The following ARHGAP32 variants were observed in gnomAD, a reference collection of about 807,000 sequenced individuals.
ARHGAP32 encodes the protein rho GTPase-activating protein 32.
In ARHGAP32, 51 loss-of-function variants were observed where a neutral mutation model predicts 186.5. The observed-to-expected ratio is 0.27, with a 90% CI of 0.22 to 0.35. The LOEUF is 0.35. Among genes scored for constraint, ARHGAP32 ranks in the 10% least tolerant of loss-of-function variants. The pLI, the probability that ARHGAP32 is intolerant of heterozygous loss-of-function variation, is 1.00. For synonymous variants in ARHGAP32, 950 were observed against 964.3 expected (o/e 0.99, Z 0.27); for missense variants, 2,186 against 2,623.5 (o/e 0.83, Z 3.64).
chr11:129,277,229 C>CGA (rs148064415), intron 1 of ARHGAP32, among the ~76,000 whole-genome samples: 2 of 151,392 alleles, frequency 1.3e-5, no homozygotes, highest in African/African-American at 4.9e-5. Context: ...TATATAGCAC[C>CGA]GAGAGAGAGA....
chr11:129,259,246 A>G (rs1945292338), intron 1 of ARHGAP32, among the ~76,000 whole-genome samples: 1 of 152,216 alleles, frequency 6.6e-6, no homozygotes, highest in Admixed American at 6.5e-5. Context: ...AAAGATTAGT[A>G]TTGAATACTC....
At position 128,971,030 on chromosome 11, in the gene ARHGAP32, C is replaced by T. The variant is rs751812619; in HGVS notation, c.4183G>A (p.Gly1395Ser). The change falls in exon 23 of 23, where the codon GGC (glycine) becomes AGC (serine). Residue 1395 changes from glycine to serine, a missense_variant. Physicochemically the swap from Gly to Ser is moderately conservative, Grantham distance 56. Coordinates refer to ENST00000682385, the MANE Select transcript of ARHGAP32 (RefSeq NM_001378024.1). ...CCGTCCCGCACTTTCTCAGGCAGGC[C>T]TGGCTGGACAGCTGTAGCCATGGGA... ...QCPMATAVQP[G>S]LPEKVRDGAR... is the part of the protein sequence containing the mutation. 3.1e-6 allele frequency: 5 copies of T among 1,614,016 alleles called. No homozygotes were observed. In the East Asian group the frequency reaches 8.9e-5, roughly 29 times the overall value.
chr11:128,989,515 TTCACACACACAC>T (rs933242256), intron 12 of ARHGAP32, among the ~76,000 whole-genome samples: 5 of 87,184 alleles, frequency 5.7e-5, no homozygotes, highest in Non-Finnish European at 8.9e-5. Flanking sequence ...TGTTTTTTAT[TTCACACACACAC>T]ACACACACAC....
At chr11:129,047,887 T>C (rs1006279434) in intron 10 of ARHGAP32, among the ~76,000 whole-genome samples, 4 of 152,146 alleles carry the variant, frequency 2.6e-5, no homozygotes, top group African/African-American at 9.7e-5. Flanking sequence ...ATTGAATTGT[T>C]AGAATTAGGA....
intron 2 of ARHGAP32, among the ~76,000 whole-genome samples, chr11:129,133,931 C>T (rs1186508648): frequency 6.6e-6 from 1 of 152,184 alleles, no homozygotes; most frequent in Non-Finnish European, 1.5e-5. Context: ...AATTATAAAA[C>T]TGTCTGATGA....
rs1424310697 is a variant in ARHGAP32 at position 128,976,556 on chromosome 11, G to T, written c.2194+7C>A. ...TAGAATAAAATGACTGATGCTTTTA[G>T]TCTTACCATCAACTGCATGGAGAGA... is the stretch of plus-strand genomic sequence containing the variant. On this transcript the variant is annotated splice_region_variant and intron_variant, in intron 20 of 22. Transcript: ENST00000682385. The T allele has an allele frequency of 1.2e-6, 2 of 1,609,660 alleles. No individual in the cohort carries two copies. The highest frequency in any genetic ancestry group is 4.5e-5 in the East Asian group (2 of 44,844).
Position 129,066,720 on chromosome 11 carries a change from T to C in ARHGAP32, c.669+11A>G. On this transcript the variant is annotated intron_variant, in intron 7 of 22. Transcript: ENST00000682385. ...GTGATTACCTCTGTACTAAATGTAC[T>C]AAATGCTTACCTCTGGACTGTCCTT... is the stretch of plus-strand genomic sequence containing the variant. 3.7e-6 allele frequency: 6 copies of C among 1,609,890 alleles called. No homozygotes were observed. Among genetic ancestry groups the C allele is most frequent in the Non-Finnish European group, 5.1e-6 (6 of 1,178,036 alleles).
rs1044649996 is a variant in ARHGAP32 at position 129,123,828 on chromosome 11, G to A, written c.359+60C>T. The A allele has an allele frequency of 3.0e-5, 38 of 1,265,002 alleles. No individual in the cohort carries two copies. In the African/African-American group the frequency reaches 5.2e-4, roughly 17 times the overall value. The allele number at this position is 1,265,002 out of a possible 1,614,324, so 78.4% of individuals were successfully genotyped here. A position where few individuals can be genotyped will look rare whatever the true frequency, so the allele number is the denominator to read the frequency against. ...ATTTTCGGCAAATGTTATGGAAACT[G>A]TGGACAGCCAGCTTCTAACCAGAAG... On this transcript the variant is annotated intron_variant, in intron 4 of 22. Transcript: ENST00000682385. This position sits in a 1 kb window ranked among gnomAD's most constrained non-coding sequence, Gnocchi z 4.6.
intron 10 of ARHGAP32, among the ~76,000 whole-genome samples, chr11:129,060,992 G>C (rs1254879711): frequency 6.6e-6 from 1 of 151,996 alleles, no homozygotes; most frequent in Non-Finnish European, 1.5e-5. Context: ...TTAAAACCCA[G>C]ACAATCTGGA....
At chr11:129,080,303 C>T (rs111392504) in intron 6 of ARHGAP32, among the ~76,000 whole-genome samples, 1 of 152,136 alleles carries the variant, frequency 6.6e-6, no homozygotes, top group African/African-American at 2.4e-5. Context: ...AATATACATT[C>T]TTTTCATCAG....
At chr11:129,168,688 C>T (rs529050222) in intron 1 of ARHGAP32, among the ~76,000 whole-genome samples, 2 of 152,102 alleles carry the variant, frequency 1.3e-5, no homozygotes, top group Non-Finnish European at 2.9e-5. Context: ...CTAAACCCAA[C>T]AACTACAAAA....
At chr11:129,127,762 A>G (rs566482336) in intron 2 of ARHGAP32, among the ~76,000 whole-genome samples, 1 of 101,002 alleles carries the variant, frequency 9.9e-6, no homozygotes, top group East Asian at 2.8e-4. Context: ...ATATTTATTC[A>G]TAAAAATAAC....
intron 2 of ARHGAP32, among the ~76,000 whole-genome samples, chr11:129,163,711 G>C (rs967602379): frequency 2.0e-5 from 3 of 152,056 alleles, no homozygotes; most frequent in African/African-American, 7.2e-5. Context: ...CCTACTCACA[G>C]TAACCTGAGA....
intron 1 of ARHGAP32, among the ~76,000 whole-genome samples, chr11:129,190,343 G>A (rs1274634276): frequency 2.6e-5 from 4 of 152,304 alleles, no homozygotes; most frequent in Middle Eastern, 3.4e-3. Context: ...ACATGAAATT[G>A]GGCCTTGCCC....
rs35331397 is a variant in ARHGAP32, at chr11:128,984,796, A to G, written c.1526+1207T>C. The stretch of plus-strand genomic sequence containing the variant: ...TAAGTATCTATAGTCAAGCTATAAA[A>G]TAGTGTGCAGAAGATATAAAACATA... On this transcript the variant is annotated intron_variant, in intron 15 of 22. Coordinates refer to ENST00000682385, the MANE Select transcript of ARHGAP32 (RefSeq NM_001378024.1). Among the ~76,000 whole-genome samples, 754 of 150,854 alleles carry G rather than the reference A, an allele frequency of 5.0e-3. 3 individuals are homozygous for G. The highest frequency in any genetic ancestry group is 7.7e-3 in the Non-Finnish European group (522 of 67,522).
chr11:129,176,538 A>G, intron 1 of ARHGAP32, among the ~76,000 whole-genome samples: 1 of 147,102 alleles, frequency 6.8e-6, no homozygotes, highest in Non-Finnish European at 1.5e-5. Context: ...ACTTGGAAGT[A>G]AAGCTCTCCT....
chr11:129,111,629 C>T (rs923182574), intron 5 of ARHGAP32, among the ~76,000 whole-genome samples: 2 of 152,170 alleles, frequency 1.3e-5, no homozygotes, highest in African/African-American at 2.4e-5. Flanking sequence ...TTTTAGTAGG[C>T]TGCACGTGCC....
At chr11:129,279,448 CG>C (rs1177372890), upstream of ARHGAP32, 1 of 145,980 alleles carries the variant, frequency 6.9e-6, no homozygotes, top group Non-Finnish European at 1.5e-5. Context: ...GCGGCGGAGT[CG>C]GCCCCCGGGG....
intron 1 of ARHGAP32, among the ~76,000 whole-genome samples, chr11:129,171,253 T>C (rs953075097): frequency 3.9e-5 from 6 of 152,252 alleles, no homozygotes; most frequent in African/African-American, 9.6e-5. Flanking sequence ...CCCATGCCTA[T>C]GTCCTGAATG....
Sources: allele counts gnomAD v4.1 joint callset (sites outside exome capture counted in the v4.1 genomes callset), GRCh38; gene constraint gnomAD v4.1.1; non-coding constraint Gnocchi (gnomAD v3.1); transcripts MANE v1.5; gene names NCBI Gene and HGNC (gene_info 2026-07-23, HGNC 2026-07-21).